ZFAND5: variants seen among roughly 807,000 people sequenced by gnomAD.
ZFAND5 encodes zinc finger AN1-type containing 5.
ZFAND5 carries 4 observed loss-of-function variants against 23.6 expected under a neutral mutation model. The ratio of observed to expected loss-of-function variants is 0.17; its 90% CI spans 0.08 to 0.39. ZFAND5 has a LOEUF of 0.39. Among genes scored for constraint, ZFAND5 ranks in the 10% least tolerant of loss-of-function variants. ZFAND5 has a pLI of 1.00. For synonymous variants in ZFAND5, 68 were observed against 80.6 expected (o/e 0.84, Z 0.84); for missense variants, 161 against 253.7 (o/e 0.63, Z 2.48).
Position 72,360,191 on chromosome 9 carries a change from G to A in ZFAND5, c.182C>T (p.Ser61Leu), listed in dbSNP as rs773435963. ...GTASGSNSPT[S>L]DSASVQRADT... The stretch of plus-strand genomic sequence containing the variant: ...TGCTCTCTGTACAGATGCAGAATCT[G>A]AGGTAGGACTGTTGGAACCACTAGC... The change falls in exon 4 of 7, where the codon TCA becomes TTA. Residue 61 changes from serine (S) to leucine (L), a missense_variant. Ser to Leu is a moderately radical substitution (Grantham distance 145). Transcript: ENST00000376962. The A allele has an allele frequency of 1.9e-6, 3 of 1,612,952 alleles. No homozygotes were observed. Among genetic ancestry groups the A allele is most frequent in the African/African-American group, 2.7e-5 (2 of 74,902 alleles).
chr9:72,360,078 T>C (rs762965209), intron 4 of ZFAND5, 32 bp downstream of exon 4: 2 of 1,562,434 alleles, frequency 1.3e-6, no homozygotes, highest in South Asian at 2.3e-5. Context: ...TTCTTTGTAA[T>C]ATCATAAAAA....
At position 72,352,801 on chromosome 9, in the gene ZFAND5, C is replaced by T. The variant is rs573587773; in HGVS notation, c.*3152G>A. ...ACAATAGCAAATACAATGTGCCAGG[C>T]ACAGTTTTAAGTGTTGTCACCTTCA... On this transcript the variant is annotated 3_prime_UTR_variant, in exon 7 of 7. Coordinates refer to ENST00000376962, the MANE Select transcript of ZFAND5 (RefSeq NM_001102420.3). 1.3e-5 allele frequency: 2 copies of T among 152,298 alleles called. No homozygotes were observed. The highest frequency in any genetic ancestry group is 4.1e-4 in the South Asian group (2 of 4,826). 9.4% of individuals were successfully genotyped at this position (152,298 alleles called of 1,614,324 possible).
intron 2 of ZFAND5, among the ~76,000 whole-genome samples, chr9:72,361,299 T>C (rs1285229405): frequency 6.6e-6 from 1 of 152,224 alleles, no homozygotes; most frequent in Non-Finnish European, 1.5e-5. Context: ...AGGCAGAGCA[T>C]CTGTACTTTT....
chr9:72,352,312 C>T lies in ZFAND5; in HGVS notation c.*3641G>A, dbSNP rs1841794905. Reference sequence around the variant, plus strand: ...TGGGCGACGGAGCCTCTGTCTCAAACAAACAAAACAAAACAAAAACAGACA... The same window carrying T: ...TGGGCGACGGAGCCTCTGTCTCAAATAAACAAAACAAAACAAAAACAGACA... On this transcript the variant is annotated 3_prime_UTR_variant, in exon 7 of 7. Transcript: ENST00000376962. 6.6e-6 allele frequency: 1 copy of T among 152,042 alleles called. No individual in the cohort carries two copies. Among genetic ancestry groups the T allele is most frequent in the African/African-American group, 2.4e-5 (1 of 41,404 alleles). 9.4% of individuals were successfully genotyped at this position (152,042 alleles called of 1,614,324 possible). A position where few individuals can be genotyped will look rare whatever the true frequency, so the allele number is the denominator to read the frequency against.
chr9:72,364,331 C>A, intron 1 of ZFAND5: 1 of 1,048,796 alleles, frequency 9.5e-7, no homozygotes, highest in South Asian at 1.7e-5. Flanking sequence ...CTGCAACGGG[C>A]AGGGGGCGCG....
chr9:72,355,928 T>G lies in ZFAND5; in HGVS notation c.*25A>C. On this transcript the variant is annotated 3_prime_UTR_variant, in exon 7 of 7. Transcript: ENST00000376962. ...ACGATATATTAAAATAAAAACAAAG[T>G]TTCAGTCTCTTCACAAGAAGTAATT... 1 of 1,576,752 alleles carries G rather than the reference T, an allele frequency of 6.3e-7. No homozygotes were observed. The highest frequency in any genetic ancestry group is 8.6e-7 in the Non-Finnish European group (1 of 1,163,896).
At chr9:72,359,173 T>C (rs1842026030) in intron 5 of ZFAND5, among the ~76,000 whole-genome samples, 1 of 152,156 alleles carries the variant, frequency 6.6e-6, no homozygotes, top group Admixed American at 6.6e-5. Context: ...TTACAGACTT[T>C]GCCCATTATG....
intron 3 of ZFAND5, 48 bp downstream of exon 3, chr9:72,360,580 T>C: frequency 6.2e-7 from 1 of 1,610,068 alleles, no homozygotes; most frequent in Middle Eastern, 2.1e-4. Context: ...GTTCTGTATT[T>C]CTGTCCACCA....
In ZFAND5 at chr9:72,354,900, G is replaced by A. The variant is rs1841896769; in HGVS notation, c.*1053C>T. 1 of 152,604 alleles carries A rather than the reference G, an allele frequency of 6.6e-6. No homozygotes were observed. The highest frequency in any genetic ancestry group is 2.4e-5 in the African/African-American group (1 of 41,446). The allele number at this position is 152,604 out of a possible 1,614,324, so 9.5% of individuals were successfully genotyped here. On this transcript the variant is annotated 3_prime_UTR_variant, in exon 7 of 7. Coordinates refer to ENST00000376962, the MANE Select transcript of ZFAND5 (RefSeq NM_001102420.3). Reference sequence around the variant, plus strand: ...CCATGCAATACACCCAAGAACACTAGAGTCCTACACCCAAGTACAATATGA... The same window carrying A: ...CCATGCAATACACCCAAGAACACTAAAGTCCTACACCCAAGTACAATATGA...
intron 1 of ZFAND5, chr9:72,364,171 G>A (rs540666901): frequency 5.0e-6 from 1 of 200,758 alleles, no homozygotes; most frequent in African/African-American, 2.4e-5. Flanking sequence ...ACTCAATAAA[G>A]CCCAACAGGG....
In ZFAND5 at chr9:72,354,266, T is replaced by C. The variant is rs868396374; in HGVS notation, c.*1687A>G. The C allele has an allele frequency of 9.8e-4, 149 of 152,354 alleles. No individual in the cohort carries two copies. The highest frequency in any genetic ancestry group is 3.3e-3 in the African/African-American group (138 of 41,564). The allele number at this position is 152,354 out of a possible 1,614,324, so 9.4% of individuals were successfully genotyped here. On this transcript the variant is annotated 3_prime_UTR_variant, in exon 7 of 7. Transcript: ENST00000376962. ...ATTGTTTTAATCCCAAAGGTGCCTA[T>C]TGAATTCTTCAAAAATAAACTGCCT... is the stretch of plus-strand genomic sequence containing the variant.
At chr9:72,360,006 C>T (rs1842052295) in intron 4 of ZFAND5, 104 bp downstream of exon 4, 13 of 921,918 alleles carry the variant, frequency 1.4e-5, no homozygotes, top group East Asian at 2.5e-5. Context: ...CTGAAATCCT[C>T]GATTGCAAAG....
intron 3 of ZFAND5, 38 bp from the exon 4 acceptor site, chr9:72,360,259 C>A: frequency 6.6e-7 from 1 of 1,526,220 alleles, no homozygotes; most frequent in Non-Finnish European, 9.0e-7. Flanking sequence ...CCAATGAACA[C>A]TACAAAAACT....
In ZFAND5 at chr9:72,360,696, C is replaced by G. The variant is rs1215557907; in HGVS notation, c.83G>C (p.Gly28Ala). The part of the protein sequence containing the change: ...CGFYGNPRTN[G>A]MCSVCYKEHL... ...TTCTTTGTAGCAAACTGAACACATT[C>G]CATTTGTCCTAGGATTTCCATAAAA... The change falls in exon 3 of 7, where the codon GGA (glycine) becomes GCA (alanine). Residue 28 changes from glycine (G) to alanine (A), a missense_variant. This residue lies in a region of ZFAND5 where 21 missense variants were observed against 58.5 expected (regional missense o/e 0.36). Coordinates refer to ENST00000376962, the MANE Select transcript of ZFAND5 (RefSeq NM_001102420.3). 1 of 1,614,084 alleles carries G rather than the reference C, an allele frequency of 6.2e-7. No individual in the cohort carries two copies. The highest frequency in any genetic ancestry group is 8.5e-7 in the Non-Finnish European group (1 of 1,179,954).
chr9:72,364,650 C>G (rs1462600937), intron 1 of ZFAND5, 46 bp downstream of exon 1: 4 of 1,156,278 alleles, frequency 3.5e-6, no homozygotes, highest in South Asian at 3.2e-5. Context: ...GCCCCCGGCC[C>G]GGCAACAAGG....
intron 5 of ZFAND5, among the ~76,000 whole-genome samples, chr9:72,358,986 T>TAC (rs1842019255): frequency 6.6e-6 from 1 of 151,398 alleles, no homozygotes; most frequent in African/African-American, 2.4e-5. Context: ...TCCCACAAAA[T>TAC]ATGATAGGAA....
intron 2 of ZFAND5, among the ~76,000 whole-genome samples, chr9:72,361,902 GGTCA>G (rs1233047842): frequency 3.3e-5 from 5 of 152,278 alleles, no homozygotes; most frequent in African/African-American, 9.6e-5. Flanking sequence ...TGTAACTTGT[GGTCA>G]GTCATTTTTT....
intron 4 of ZFAND5, 140 bp downstream of exon 4, chr9:72,359,970 A>T (rs374430117): frequency 1.1e-5 from 7 of 640,452 alleles, no homozygotes; most frequent in Non-Finnish European, 2.7e-6. Flanking sequence ...TTACTCAATG[A>T]CTTAAGAGTC....
In ZFAND5 at chr9:72,354,489, A is replaced by C. The variant is rs1243391060; in HGVS notation, c.*1464T>G. ...TCTGTACATGGCTTTTATTATTTAC[A>C]TAATACAATATAGCATCAATGCTGA... On this transcript the variant is annotated 3_prime_UTR_variant, in exon 7 of 7. Coordinates refer to ENST00000376962, the MANE Select transcript of ZFAND5 (RefSeq NM_001102420.3). 1 of 152,694 alleles carries C rather than the reference A, an allele frequency of 6.5e-6. No individual in the cohort carries two copies. The highest frequency in any genetic ancestry group is 1.5e-5 in the Non-Finnish European group (1 of 68,048). The allele number at this position is 152,694 out of a possible 1,614,324, so 9.5% of individuals were successfully genotyped here.
Sources: allele counts gnomAD v4.1 joint callset (sites outside exome capture counted in the v4.1 genomes callset), GRCh38; gene constraint gnomAD v4.1.1; regional missense constraint gnomAD v4.1.1; transcripts MANE v1.5; gene names NCBI Gene and HGNC (gene_info 2026-07-23, HGNC 2026-07-21).